Variants in ZDHHC13 observed in about 807,000 individuals in gnomAD.
ZDHHC13 encodes the protein palmitoyltransferase ZDHHC13.
Under a neutral mutation model 86.0 loss-of-function variants are expected in ZDHHC13, and 85 were observed. That is an observed-to-expected ratio of 0.99 (90% CI 0.83 to 1.18). The LOEUF is 1.18. Among genes scored for constraint, ZDHHC13 ranks in the 50% most tolerant of loss-of-function variants. The pLI is 0.00. For synonymous variants in ZDHHC13, 263 were observed against 246.4 expected (o/e 1.07, Z -0.63); for missense variants, 711 against 730.2 (o/e 0.97, Z 0.30).
At chr11:19,129,681 C>G (rs1257193511) in intron 1 of ZDHHC13, among the ~76,000 whole-genome samples, 1 of 151,978 alleles carries the variant, frequency 6.6e-6, no homozygotes, top group Non-Finnish European at 1.5e-5. Context: ...ACTGGATTCA[C>G]CTTACTAATA....
intron 1 of ZDHHC13, among the ~76,000 whole-genome samples, chr11:19,131,311 T>C (rs943065642): frequency 3.9e-5 from 6 of 152,144 alleles, no homozygotes; most frequent in African/African-American, 1.4e-4. Flanking sequence ...ATCTCTTTAT[T>C]ACTGATTTTT....
At position 19,140,835 on chromosome 11, in the gene ZDHHC13, A is replaced by G. The variant is rs889675503; in HGVS notation, c.28-2143A>G. Among the ~76,000 whole-genome samples the G allele has an allele frequency of 1.3e-5, 2 of 149,630 alleles. 1 individual carries two copies. The highest frequency in any genetic ancestry group is 4.9e-5 in the African/African-American group (2 of 40,734). On this transcript the variant is annotated intron_variant, in intron 1 of 16. Coordinates refer to ENST00000446113, the MANE Select transcript of ZDHHC13 (RefSeq NM_019028.3). The stretch of plus-strand genomic sequence containing the variant: ...GCAAGAACAAAAAACCAAACACTGC[A>G]TATTCTCACTCATAGGTGGGAATTG...
chr11:19,144,452 T>G (rs1251841650), intron 2 of ZDHHC13, among the ~76,000 whole-genome samples: 2 of 152,068 alleles, frequency 1.3e-5, no homozygotes, highest in Non-Finnish European at 2.9e-5. Flanking sequence ...TGTGTGTGTG[T>G]GTGTGTGTGT....
At position 19,162,980 on chromosome 11, in the gene ZDHHC13, A is replaced by T. The variant is rs1268061476; in HGVS notation, c.1109-323A>T. Among the ~76,000 whole-genome samples the T allele has an allele frequency of 2.0e-5, 3 of 152,294 alleles. No homozygotes were observed. The East Asian group carries it at 5.8e-4, about 29-fold the overall frequency. ...AAATGATCAAAGAATATTTTTCTAG[A>T]TGCTCACAGGAGAGCCACAATTACA... On this transcript the variant is annotated intron_variant, in intron 10 of 16. Coordinates refer to ENST00000446113, the MANE Select transcript of ZDHHC13 (RefSeq NM_019028.3).
intron 11 of ZDHHC13, 72 bp downstream of exon 11, chr11:19,163,499 G>A: frequency 2.2e-6 from 3 of 1,386,724 alleles, no homozygotes; most frequent in South Asian, 1.8e-5. Flanking sequence ...ATGCACATAT[G>A]CAGATGTGTT....
At chr11:19,149,104 T>C in intron 4 of ZDHHC13, 83 bp from the exon 5 acceptor site, 4 of 1,233,918 alleles carry the variant, frequency 3.2e-6, no homozygotes, top group Non-Finnish European at 4.2e-6. Context: ...CCAAAATCCC[T>C]CATGTCTTAG....
At chr11:19,160,969 T>C (rs1849894679) in intron 10 of ZDHHC13, among the ~76,000 whole-genome samples, 1 of 151,996 alleles carries the variant, frequency 6.6e-6, no homozygotes, top group African/African-American at 2.4e-5. Flanking sequence ...TGATTTTATT[T>C]GCTTGTACAA....
At chr11:19,152,780 T>C in intron 8 of ZDHHC13, 96 bp downstream of exon 8, 1 of 1,570,862 alleles carries the variant, frequency 6.4e-7, no homozygotes, top group Non-Finnish European at 8.7e-7. Flanking sequence ...GAGAGTTGGC[T>C]TTTTGCTGCA....
At chr11:19,134,366 C>CAA (rs756831573) in intron 1 of ZDHHC13, among the ~76,000 whole-genome samples, 30 of 152,004 alleles carry the variant, frequency 2.0e-4, no homozygotes, top group Admixed American at 9.8e-4. Flanking sequence ...CTGGGTATAC[C>CAA]AAAGGATTAT....
rs868536381 is a variant in ZDHHC13, at chr11:19,159,040, G to A, written c.1108G>A (p.Asp370Asn). The A allele has an allele frequency of 2.4e-5, 37 of 1,538,800 alleles. No individual in the cohort carries two copies. The African/African-American group carries it at 4.7e-4, about 19-fold the overall frequency. The change falls in exon 10 of 17, where the codon GAT becomes AAT. Residue 370 changes from aspartate (D) to asparagine (N), a missense_variant and splice_region_variant. Physicochemically the swap from Asp to Asn is conservative, Grantham distance 23 (BLOSUM62 1). Transcript: ENST00000446113. Reference sequence around the variant, plus strand: ...GACTTGGTTCATCTTATTTTTTCCTGATATCCTTTAAGCATCAATTTTGAT... The same window carrying A: ...GACTTGGTTCATCTTATTTTTTCCTAATATCCTTTAAGCATCAATTTTGAT... ...FMTWFILFFP[D>N]LAGAPFYFSF...
intron 1 of ZDHHC13, among the ~76,000 whole-genome samples, chr11:19,130,295 T>C (rs1324834332): frequency 6.6e-6 from 1 of 152,232 alleles, no homozygotes; most frequent in Non-Finnish European, 1.5e-5. Flanking sequence ...TGTGTGTCTT[T>C]TAAGGTGTTT....
intron 1 of ZDHHC13, among the ~76,000 whole-genome samples, chr11:19,135,994 G>T (rs1681699929): frequency 6.6e-6 from 1 of 152,212 alleles, no homozygotes; most frequent in Non-Finnish European, 1.5e-5. Flanking sequence ...AGAAAAACTG[G>T]AAACTCTGAA....
At chr11:19,174,097 G>T (rs1850295167) in intron 16 of ZDHHC13, among the ~76,000 whole-genome samples, 1 of 152,154 alleles carries the variant, frequency 6.6e-6, no homozygotes, top group Non-Finnish European at 1.5e-5. Flanking sequence ...ACTGCAGATA[G>T]TACTGAACTC....
chr11:19,172,038 A>G (rs1850234647), intron 15 of ZDHHC13, among the ~76,000 whole-genome samples: 1 of 152,036 alleles, frequency 6.6e-6, no homozygotes, highest in East Asian at 1.9e-4. Flanking sequence ...CATCTCTCTA[A>G]TCCTCTGCAT....
At chr11:19,168,769 T>C in intron 14 of ZDHHC13, 1 of 982,012 alleles carries the variant, frequency 1.0e-6, no homozygotes, top group Non-Finnish European at 1.2e-6. Flanking sequence ...CTCCTTCTCA[T>C]GTGATCCAAT....
chr11:19,122,829 A>G (rs538115433), intron 1 of ZDHHC13, among the ~76,000 whole-genome samples: 2 of 152,344 alleles, frequency 1.3e-5, no homozygotes, highest in East Asian at 3.9e-4. Context: ...CACATTACCT[A>G]GTGGGTCACT....
chr11:19,131,538 C>A (rs1849000301), intron 1 of ZDHHC13, among the ~76,000 whole-genome samples: 2 of 152,128 alleles, frequency 1.3e-5, no homozygotes, highest in Admixed American at 6.6e-5. Flanking sequence ...ATTTTGGATA[C>A]TTTTCCTTGT....
chr11:19,155,936 A>G lies in ZDHHC13; in HGVS notation c.1007+7A>G, dbSNP rs776613069. On this transcript the variant is annotated splice_region_variant and intron_variant, in intron 9 of 16. Coordinates refer to ENST00000446113, the MANE Select transcript of ZDHHC13 (RefSeq NM_019028.3). ...TGACATCTTTGTTTCCAAGGTGTGT[A>G]TGTTAATTTTTGCAAGGCTGGTTAT... The G allele has an allele frequency of 1.2e-5, 19 of 1,592,684 alleles. No individual in the cohort carries two copies. The South Asian group carries it at 1.7e-4, about 15-fold the overall frequency.
rs552712597 is a variant in ZDHHC13, at chr11:19,131,474, C to T, written c.28-11504C>T. Among the ~76,000 whole-genome samples, 79 of 152,016 alleles carry T rather than the reference C, an allele frequency of 5.2e-4. 3 individuals are homozygous for T. The highest frequency in any genetic ancestry group is 5.9e-5 in the Non-Finnish European group (4 of 67,968). ...TCAAATATTAAAAAAAACTTTTTTCCTTGTCTTCTGGAACTGCAATTATAC... is the reference window on the plus strand; with the variant it reads ...TCAAATATTAAAAAAAACTTTTTTCTTTGTCTTCTGGAACTGCAATTATAC... On this transcript the variant is annotated intron_variant, in intron 1 of 16. Coordinates refer to ENST00000446113, the MANE Select transcript of ZDHHC13 (RefSeq NM_019028.3).
Sources: allele counts gnomAD v4.1 joint callset (sites outside exome capture counted in the v4.1 genomes callset), GRCh38; gene constraint gnomAD v4.1.1; transcripts MANE v1.5; gene names NCBI Gene and HGNC (gene_info 2026-07-23, HGNC 2026-07-21).